The following AUH variants were observed in gnomAD, a reference collection of about 807,000 sequenced individuals.
AUH encodes methylglutaconyl-CoA hydratase, mitochondrial.
AUH carries 29 observed loss-of-function variants against 42.3 expected under a neutral mutation model. That is an observed-to-expected ratio of 0.69 (90% CI 0.51 to 0.93). The LOEUF (loss-of-function observed/expected upper bound fraction) is 0.93. AUH is among the 40% of genes least tolerant of loss of function. AUH has a pLI of 0.00. For missense variants in AUH, 452 were observed against 438.1 expected (o/e 1.03, Z -0.28); for synonymous variants, 174 against 166.4 (o/e 1.05, Z -0.35).
intron 5 of AUH, among the ~76,000 whole-genome samples, chr9:91,296,622 T>A (rs1827353429): frequency 6.6e-6 from 1 of 152,214 alleles, no homozygotes; most frequent in South Asian, 2.1e-4. Context: ...CTTAATAACT[T>A]CTTTATTTGC....
intron 3 of AUH, among the ~76,000 whole-genome samples, chr9:91,343,947 A>T (rs997085502): frequency 6.6e-6 from 1 of 152,196 alleles, no homozygotes; most frequent in African/African-American, 2.4e-5. Flanking sequence ...CAACTGACTG[A>T]TGGACCCTCC....
chr9:91,342,245 T>C (rs531580173), intron 3 of AUH, among the ~76,000 whole-genome samples: 1 of 152,294 alleles, frequency 6.6e-6, no homozygotes, highest in South Asian at 2.1e-4. Flanking sequence ...GCCCCTTCCT[T>C]GCTTCTCTCC....
At chr9:91,295,604 C>T (rs1280172894) in intron 6 of AUH, among the ~76,000 whole-genome samples, 1 of 152,154 alleles carries the variant, frequency 6.6e-6, no homozygotes, top group Non-Finnish European at 1.5e-5. Flanking sequence ...AGTCAGCAGC[C>T]TCAACATCAA....
At chr9:91,327,088 ACCT>A (rs953238101) in intron 3 of AUH, among the ~76,000 whole-genome samples, 18 of 151,330 alleles carry the variant, frequency 1.2e-4, no homozygotes, top group African/African-American at 4.4e-4. Context: ...GAATCTTAAA[ACCT>A]CCTATCAATC....
chr9:91,311,694 T>C (rs527764463), intron 4 of AUH, among the ~76,000 whole-genome samples: 3 of 152,198 alleles, frequency 2.0e-5, no homozygotes, highest in Admixed American at 1.3e-4. Context: ...ACTCCCCATA[T>C]TCTATACTGC....
chr9:91,361,734 C>G lies in AUH; in HGVS notation c.156G>C (p.Gln52His), dbSNP rs772562641. The G allele has an allele frequency of 7.1e-6, 11 of 1,547,978 alleles. No homozygotes were observed. Among genetic ancestry groups the G allele is most frequent in the Middle Eastern group, 1.7e-4 (1 of 5,978 alleles). ...GACCCCCGGCCGCAGGTACCCAGCC[C>G]TGGGCCCAGATCGCCGGGCCCGCTC... ...GRRAGPAIWA[Q>H]GWVPAAGGPA... The change falls in exon 1 of 10, where the codon CAG becomes CAC. Residue 52 changes from glutamine (Q) to histidine (H), a missense_variant. Coordinates refer to ENST00000375731, the MANE Select transcript of AUH (RefSeq NM_001698.3).
At chr9:91,336,174 C>T (rs916558938) in intron 3 of AUH, among the ~76,000 whole-genome samples, 4 of 152,162 alleles carry the variant, frequency 2.6e-5, no homozygotes, top group African/African-American at 7.2e-5. Flanking sequence ...AAAAAACCCA[C>T]GTTGCTATTT....
intron 3 of AUH, among the ~76,000 whole-genome samples, chr9:91,342,122 G>A (rs919745664): frequency 3.3e-5 from 5 of 152,188 alleles, no homozygotes; most frequent in Admixed American, 2.6e-4. Context: ...ACAATTCTAG[G>A]TCAGAAGTCT....
chr9:91,245,299 T>A (rs1373756400), intron 6 of AUH, among the ~76,000 whole-genome samples: 1 of 152,148 alleles, frequency 6.6e-6, no homozygotes, highest in Non-Finnish European at 1.5e-5. Context: ...GTGAAAAGTA[T>A]GAGACTATTA....
chr9:91,347,269 T>C (rs1831587686), intron 3 of AUH, among the ~76,000 whole-genome samples: 1 of 152,090 alleles, frequency 6.6e-6, no homozygotes, highest in Non-Finnish European at 1.5e-5. Context: ...TTTGCCATGT[T>C]ACCCAGGCTG....
At chr9:91,360,992 A>G (rs903211608) in intron 1 of AUH, among the ~76,000 whole-genome samples, 3 of 152,136 alleles carry the variant, frequency 2.0e-5, no homozygotes, top group African/African-American at 7.2e-5. Flanking sequence ...AAAGCTCTGT[A>G]TTGTATTGCT....
chr9:91,313,294 C>T (rs1259569226), intron 4 of AUH, among the ~76,000 whole-genome samples: 1 of 152,150 alleles, frequency 6.6e-6, no homozygotes, highest in South Asian at 2.1e-4. Context: ...AAACAATGGC[C>T]TCCCATAATT....
chr9:91,359,732 CTAGGAGAGTTA>C (rs1832705946), intron 1 of AUH, among the ~76,000 whole-genome samples: 7 of 152,146 alleles, frequency 4.6e-5, no homozygotes, highest in Admixed American at 4.6e-4. Context: ...GCTCCTGTGA[CTAGGAGAGTTA>C]TCCTATTCCT....
chr9:91,349,293 T>G (rs538750805), intron 3 of AUH, among the ~76,000 whole-genome samples: 1 of 152,360 alleles, frequency 6.6e-6, no homozygotes, highest in South Asian at 2.1e-4. Context: ...AAACCCACAC[T>G]GGTGTAATTC....
chr9:91,281,213 A>AT (rs1192415867), intron 6 of AUH, among the ~76,000 whole-genome samples: 3 of 152,064 alleles, frequency 2.0e-5, no homozygotes, highest in East Asian at 1.9e-4. Flanking sequence ...TTACACAATG[A>AT]TTTTTTCTCT....
chr9:91,270,102 C>T (rs1199128450), intron 6 of AUH, among the ~76,000 whole-genome samples: 2 of 152,138 alleles, frequency 1.3e-5, no homozygotes, highest in Non-Finnish European at 2.9e-5. Context: ...AATTAAAGTT[C>T]CTGTGAAGGT....
intron 1 of AUH, among the ~76,000 whole-genome samples, chr9:91,361,287 A>C (rs767232074): frequency 6.6e-5 from 10 of 152,216 alleles, no homozygotes; most frequent in Admixed American, 3.9e-4. Flanking sequence ...CACAGCAACA[A>C]TAAAGCCTGG....
chr9:91,249,292 C>CAAAAAAAAAAAAAAAAAAAAAAAA (rs59102669), intron 6 of AUH, among the ~76,000 whole-genome samples: 1 of 32,504 alleles, frequency 3.1e-5, no homozygotes, highest in African/African-American at 1.0e-4. Context: ...GAACCTGTCT[C>CAAAAAAAAAAAAAAAAAAAAAAAA]AAAAAAAAAA....
At chr9:91,352,552 T>G (rs1832074104) in intron 3 of AUH, among the ~76,000 whole-genome samples, 1 of 152,140 alleles carries the variant, frequency 6.6e-6, no homozygotes, top group African/African-American at 2.4e-5. Flanking sequence ...AAACTTAAAA[T>G]GTAAGTGAAG....
Sources: allele counts gnomAD v4.1 joint callset (sites outside exome capture counted in the v4.1 genomes callset), GRCh38; gene constraint gnomAD v4.1.1; transcripts MANE v1.5; gene names NCBI Gene and HGNC (gene_info 2026-07-23, HGNC 2026-07-21).